The following SAMD5 variants were observed in gnomAD, a reference collection of about 807,000 sequenced individuals.
SAMD5 encodes the protein sterile alpha motif domain-containing protein 5.
A neutral mutation model predicts 11.3 loss-of-function variants in SAMD5; 13 were observed. That is an observed-to-expected ratio of 1.15 (90% CI 0.75 to 1.83). The LOEUF is 1.83. SAMD5 is among the 40% of genes most tolerant of loss of function. The probability of loss-of-function intolerance (pLI) is 0.00; values close to 1 mark genes in which losing one functional copy is unlikely to be tolerated. For missense variants in SAMD5, 255 were observed against 239.1 expected, an observed-to-expected ratio of 1.07 and a Z score of -0.44; for synonymous variants, 129 against 111.3, an observed-to-expected ratio of 1.16 and a Z score of -1.00.
Position 147,569,233 on chromosome 6 carries a change from A to G in SAMD5, c.*4777A>G, listed in dbSNP as rs868243784. On this transcript the variant is annotated 3_prime_UTR_variant, in exon 2 of 2. Coordinates refer to ENST00000367474, the MANE Select transcript of SAMD5 (RefSeq NM_001030060.3). The stretch of plus-strand genomic sequence containing the variant: ...GAGACTCTGTCTAAAAAAAAAAAAA[A>G]AAGAAAAGAAAAAAGAAAAATTGAA... 3,570 of 348,612 alleles carry G rather than the reference A, an allele frequency of 0.01. 22 individuals carry two copies. The highest frequency in any genetic ancestry group is 0.019 in the Middle Eastern group (13 of 690). The allele number at this position is 348,612 out of a possible 1,614,324, so 21.6% of individuals were successfully genotyped here. A position where few individuals can be genotyped will look rare whatever the true frequency, so the allele number is the denominator to read the frequency against.
the SAMD5 span, among the ~76,000 whole-genome samples, chr6:147,754,423 A>G: frequency 7.4e-6 from 1 of 135,930 alleles, no homozygotes; most frequent in Non-Finnish European, 1.6e-5. Flanking sequence ...ATTTTTTCCT[A>G]TAGAGTTTTT....
chr6:147,948,735 TTG>T, the SAMD5 span, among the ~76,000 whole-genome samples: 1 of 152,286 alleles, frequency 6.6e-6, no homozygotes, highest in Non-Finnish European at 1.5e-5. Context: ...TTTTGGTTTT[TTG>T]TTTTGTTTTG....
intron 1 of SAMD5, among the ~76,000 whole-genome samples, chr6:147,708,183 G>T (rs924579839): frequency 1.1e-4 from 17 of 152,212 alleles, no homozygotes; most frequent in African/African-American, 3.9e-4. Context: ...GGTCAGCCAG[G>T]TGGGCCCTAA....
the SAMD5 span, among the ~76,000 whole-genome samples, chr6:147,793,235 C>G: frequency 2.2e-4 from 34 of 152,098 alleles, no homozygotes; most frequent in African/African-American, 7.0e-4. Context: ...CCTTATCCCC[C>G]CCAAATCCAT....
At position 147,568,326 on chromosome 6, in the gene SAMD5, G is replaced by T. The variant is rs929680207; in HGVS notation, c.*3870G>T. Reference sequence around the variant, plus strand: ...TATAAGAGCCTGAGTATTGTAACAGGTCTCTTGCACAGGGGGTTGAAAAAT... The same window carrying T: ...TATAAGAGCCTGAGTATTGTAACAGTTCTCTTGCACAGGGGGTTGAAAAAT... On this transcript the variant is annotated 3_prime_UTR_variant, in exon 2 of 2. Coordinates refer to ENST00000367474, the MANE Select transcript of SAMD5 (RefSeq NM_001030060.3). The T allele has an allele frequency of 6.1e-6, 6 of 985,134 alleles. No homozygotes were observed. In the African/African-American group the frequency reaches 7.0e-5, roughly 11 times the overall value. 61.0% of individuals were successfully genotyped at this position (985,134 alleles called of 1,614,324 possible). A position where few individuals can be genotyped will look rare whatever the true frequency, so the allele number is the denominator to read the frequency against.
the SAMD5 span, among the ~76,000 whole-genome samples, chr6:147,813,088 T>C: frequency 1.3e-5 from 2 of 152,218 alleles, no homozygotes; most frequent in African/African-American, 4.8e-5. Context: ...TTATCTGTTC[T>C]TTGAAATATA....
chr6:147,618,115 A>T (rs1349347396), intron 1 of SAMD5, among the ~76,000 whole-genome samples: 1 of 152,166 alleles, frequency 6.6e-6, no homozygotes, highest in Non-Finnish European at 1.5e-5. Flanking sequence ...TCTCTATTTT[A>T]TAGGTGAGGA....
intron 1 of SAMD5, among the ~76,000 whole-genome samples, chr6:147,654,806 G>T (rs1790542091): frequency 2.0e-5 from 3 of 151,636 alleles, no homozygotes; most frequent in Admixed American, 6.6e-5. Context: ...AAAACAAAGT[G>T]CAGGAAACCC....
chr6:147,715,495 G>A (rs775042143), intron 1 of SAMD5, among the ~76,000 whole-genome samples: 1 of 152,162 alleles, frequency 6.6e-6, no homozygotes, highest in Admixed American at 6.5e-5. Flanking sequence ...CAGAGAGGTT[G>A]TCACAGGAGC....
chr6:147,718,914 C>T (rs1791505432), intron 1 of SAMD5, among the ~76,000 whole-genome samples: 1 of 152,230 alleles, frequency 6.6e-6, no homozygotes, highest in Admixed American at 6.5e-5. Context: ...TGGTCTCGAA[C>T]TCCTGACCTC....
At chr6:147,798,565 C>T in the SAMD5 span, among the ~76,000 whole-genome samples, 4 of 151,818 alleles carry the variant, frequency 2.6e-5, no homozygotes, top group Non-Finnish European at 5.9e-5. Context: ...GTGGAGAGTT[C>T]TGTGGATGTC....
At chr6:147,712,562 A>T (rs1791414508) in intron 1 of SAMD5, among the ~76,000 whole-genome samples, 1 of 152,110 alleles carries the variant, frequency 6.6e-6, no homozygotes, top group Admixed American at 6.5e-5. Context: ...ATGTTCTTGT[A>T]TTTGGAGGTG....
At chr6:147,780,177 G>A in the SAMD5 span, among the ~76,000 whole-genome samples, 18 of 151,624 alleles carry the variant, frequency 1.2e-4, no homozygotes, top group Admixed American at 9.2e-4. Context: ...GATTCTCTCA[G>A]AATTTCCATC....
the SAMD5 span, among the ~76,000 whole-genome samples, chr6:147,906,598 G>C: frequency 6.6e-6 from 1 of 152,206 alleles, no homozygotes; most frequent in Non-Finnish European, 1.5e-5. Flanking sequence ...TTAGTCAGCA[G>C]GGACAGCTGC....
chr6:147,661,545 G>A (rs1790648411), intron 1 of SAMD5, among the ~76,000 whole-genome samples: 1 of 152,156 alleles, frequency 6.6e-6, no homozygotes, highest in Non-Finnish European at 1.5e-5. Flanking sequence ...TGACTTTTTG[G>A]AAGGAGCAAT....
At chr6:147,712,067 A>G (rs527823504) in intron 1 of SAMD5, among the ~76,000 whole-genome samples, 1 of 152,346 alleles carries the variant, frequency 6.6e-6, no homozygotes, top group South Asian at 2.1e-4. Flanking sequence ...ATTGGAAACT[A>G]TAAGAATTTT....
At chr6:147,839,616 G>A in the SAMD5 span, among the ~76,000 whole-genome samples, 21 of 152,244 alleles carry the variant, frequency 1.4e-4, no homozygotes, top group Non-Finnish European at 5.9e-5. Context: ...TGGGTGTGGT[G>A]GCATGCATCT....
chr6:147,663,811 AAGAG>A (rs767745863), intron 1 of SAMD5, among the ~76,000 whole-genome samples: 2,371 of 138,360 alleles, frequency 0.017, 198 homozygotes, highest in Non-Finnish European at 0.024. Context: ...AAAAAAAAAA[AAGAG>A]AGAGAAAGAA....
the SAMD5 span, among the ~76,000 whole-genome samples, chr6:147,749,926 A>T: frequency 6.6e-6 from 1 of 152,204 alleles, no homozygotes; most frequent in East Asian, 1.9e-4. Flanking sequence ...GCTTATTTTC[A>T]TCACTGTACA....
Sources: allele counts gnomAD v4.1 joint callset (sites outside exome capture counted in the v4.1 genomes callset), GRCh38; gene constraint gnomAD v4.1.1; transcripts MANE v1.5; gene names NCBI Gene and HGNC (gene_info 2026-07-23, HGNC 2026-07-21).